Variants in MAGI2 observed in about 807,000 individuals in gnomAD.
MAGI2 encodes membrane-associated guanylate kinase, WW and PDZ domain-containing protein 2.
Under a neutral mutation model 133.3 loss-of-function variants are expected in MAGI2, and 35 were observed. The ratio of observed to expected loss-of-function variants is 0.26; its 90% confidence interval spans 0.20 to 0.35. The LOEUF (loss-of-function observed/expected upper bound fraction) is 0.35. Ranked by LOEUF, MAGI2 falls within the 10% of genes least tolerant of loss-of-function variation. The pLI, the probability that MAGI2 is intolerant of heterozygous loss-of-function variation, is 1.00. For missense variants in MAGI2, 1,636 were observed against 1,863.4 expected (o/e 0.88, Z 2.25); for synonymous variants, 729 against 710.6 (o/e 1.03, Z -0.41).
At chr7:78,588,287 T>C (rs1803628117) in intron 3 of MAGI2, among the ~76,000 whole-genome samples, 1 of 152,116 alleles carries the variant, frequency 6.6e-6, no homozygotes, top group Admixed American at 6.6e-5. Context: ...CACAGAAAAA[T>C]TTAATGTTTA....
chr7:79,434,313 T>C (rs563413330), intron 1 of MAGI2, among the ~76,000 whole-genome samples: 1 of 152,182 alleles, frequency 6.6e-6, no homozygotes, highest in Non-Finnish European at 1.5e-5. Context: ...GCTCATACTC[T>C]TTTGAATCAC....
intron 1 of MAGI2, among the ~76,000 whole-genome samples, chr7:79,075,597 C>CA (rs200075614): frequency 0.012 from 1,759 of 151,982 alleles, 39 homozygotes; most frequent in African/African-American, 0.04. Context: ...CCCATCTCTA[C>CA]AAAAAATATA....
chr7:79,168,813 T>G (rs968235184), intron 1 of MAGI2, among the ~76,000 whole-genome samples: 3 of 151,342 alleles, frequency 2.0e-5, no homozygotes, highest in Admixed American at 6.6e-5. Context: ...CTAAGTCAGA[T>G]GGACCCTCTA....
intron 6 of MAGI2, among the ~76,000 whole-genome samples, chr7:78,446,565 A>G (rs17352924): frequency 0.06 from 9,162 of 152,154 alleles, 360 homozygotes; most frequent in Non-Finnish European, 0.078. Flanking sequence ...TTCATAAAGT[A>G]TCAATTAAAG....
chr7:79,410,833 T>C (rs919089395), intron 1 of MAGI2: 1 of 152,128 alleles, frequency 6.6e-6, no homozygotes, highest in African/African-American at 2.4e-5. Context: ...AAAATGGATA[T>C]GGTATTTACA....
chr7:78,396,242 A>C (rs1796334538), intron 6 of MAGI2, among the ~76,000 whole-genome samples: 1 of 152,188 alleles, frequency 6.6e-6, no homozygotes, highest in Non-Finnish European at 1.5e-5. Context: ...ACCCCATTAA[A>C]AAATACCCTC....
intron 1 of MAGI2, among the ~76,000 whole-genome samples, chr7:79,248,465 C>A (rs986797562): frequency 1.8e-4 from 27 of 152,192 alleles, no homozygotes; most frequent in African/African-American, 6.3e-4. Context: ...ATCATCTAGA[C>A]AAAAATCTAA....
In MAGI2 at chr7:79,188,588, G is replaced by A. The variant is rs539612544; in HGVS notation, c.302-181382C>T. On this transcript the variant is annotated intron_variant, in intron 1 of 21. Transcript: ENST00000354212. The stretch of plus-strand genomic sequence containing the variant: ...GTGAACAGTGCTGCAATGAACATAT[G>A]CATAAGCACCCAATTCTTGATTTGT... Among the ~76,000 whole-genome samples, 1,195 of 151,828 alleles carry A rather than the reference G, an allele frequency of 7.9e-3. 7 individuals are homozygous for A. Among genetic ancestry groups the A allele is most frequent in the Middle Eastern group, 0.024 (7 of 294 alleles).
At chr7:78,244,188 A>AAAAAAG (rs1791504124) in intron 10 of MAGI2, among the ~76,000 whole-genome samples, 1 of 135,904 alleles carries the variant, frequency 7.4e-6, no homozygotes, top group Non-Finnish European at 1.6e-5. Context: ...AAAAAAAAAA[A>AAAAAAG]AAAAAGAAAA....
intron 1 of MAGI2, among the ~76,000 whole-genome samples, chr7:79,011,471 C>T (rs1808081843): frequency 6.6e-6 from 1 of 152,100 alleles, no homozygotes; most frequent in Middle Eastern, 3.2e-3. Flanking sequence ...CTAGTAGTCC[C>T]ATCTAGTAAA....
chr7:78,967,718 G>A (rs1418711944), intron 2 of MAGI2, among the ~76,000 whole-genome samples: 2 of 151,834 alleles, frequency 1.3e-5, no homozygotes, highest in Non-Finnish European at 2.9e-5. Context: ...CTTCCCCTTT[G>A]TGTATTCTTG....
At chr7:78,273,574 A>G (rs1039947278) in intron 9 of MAGI2, among the ~76,000 whole-genome samples, 1 of 152,160 alleles carries the variant, frequency 6.6e-6, no homozygotes, top group Non-Finnish European at 1.5e-5. Flanking sequence ...AGGTATACCA[A>G]TCACACGTAG....
chr7:79,048,003 C>T (rs1179130161), intron 1 of MAGI2, among the ~76,000 whole-genome samples: 2 of 152,146 alleles, frequency 1.3e-5, no homozygotes, highest in East Asian at 1.9e-4. Context: ...CCTATTAGTA[C>T]AGCTATCCAA....
At chr7:78,438,896 T>C (rs1341253238) in intron 6 of MAGI2, among the ~76,000 whole-genome samples, 1 of 152,132 alleles carries the variant, frequency 6.6e-6, no homozygotes, top group Non-Finnish European at 1.5e-5. Flanking sequence ...TTAAAATTAA[T>C]CTCTTCCTGC....
chr7:78,683,995 C>A (rs558979848), intron 2 of MAGI2, among the ~76,000 whole-genome samples: 1 of 152,254 alleles, frequency 6.6e-6, no homozygotes, highest in African/African-American at 2.4e-5. Flanking sequence ...CCCAGTGATA[C>A]AACAGAAGGG....
In MAGI2 at chr7:78,125,805, T is replaced by C. The variant is rs1563153525; in HGVS notation, c.3456A>G (p.Lys1152=). ...TGCTGAATCCAAATCCTTTGGCTCC[T>C]TTCTCCATGTCCACAGTGAAATAAT... is the stretch of plus-strand genomic sequence containing the variant. The part of the protein sequence containing the change: ...DFDYFTVDME[K]GAKGFGFSIR... Residue 1152 remains lysine (K), a synonymous_variant, in exon 20 of 22, where the codon AAA becomes AAG. Coordinates refer to ENST00000354212, the MANE Select transcript of MAGI2 (RefSeq NM_012301.4). The C allele has an allele frequency of 4.3e-6, 7 of 1,614,206 alleles. No individual in the cohort carries two copies. Among genetic ancestry groups the C allele is most frequent in the Non-Finnish European group, 5.9e-6 (7 of 1,180,022 alleles).
intron 2 of MAGI2, among the ~76,000 whole-genome samples, chr7:78,811,145 A>T (rs1483804516): frequency 6.6e-6 from 1 of 151,878 alleles, no homozygotes; most frequent in African/African-American, 2.4e-5. Context: ...GAATTTTCCA[A>T]TAAGAAAAGC....
chr7:78,196,083 T>C (rs1335049520), intron 11 of MAGI2, among the ~76,000 whole-genome samples: 1 of 152,192 alleles, frequency 6.6e-6, no homozygotes. Flanking sequence ...GCTGATGGGC[T>C]GGCTTCTCAT....
At position 78,338,904 on chromosome 7, in the gene MAGI2, G is replaced by A. The variant is rs548380187; in HGVS notation, c.1408+4874C>T. Among the ~76,000 whole-genome samples, 12 of 152,266 alleles carry A rather than the reference G, an allele frequency of 7.9e-5. No individual in the cohort carries two copies. In the South Asian group the frequency reaches 2.3e-3, roughly 29 times the overall value. On this transcript the variant is annotated intron_variant, in intron 9 of 21. Coordinates refer to ENST00000354212, the MANE Select transcript of MAGI2 (RefSeq NM_012301.4). Reference sequence around the variant, plus strand: ...GCCTGTAGTCCTAGCTACTTGGAAGGCTGAGGCAGGGGGATTGCGTGAGCC... The same window carrying A: ...GCCTGTAGTCCTAGCTACTTGGAAGACTGAGGCAGGGGGATTGCGTGAGCC...
Sources: gnomAD v4.1 joint callset for allele counts (sites outside exome capture counted in the v4.1 genomes callset) on GRCh38, gnomAD v4.1.1 for gene constraint, MANE v1.5 for transcripts, NCBI Gene and HGNC (gene_info 2026-07-23, HGNC 2026-07-21) for gene names.